The following LIG4 variants were observed in gnomAD, a reference collection of about 807,000 sequenced individuals.
LIG4 encodes the protein DNA ligase 4.
A neutral mutation model predicts 19.0 loss-of-function variants in LIG4; 13 were observed. That is an observed-to-expected ratio of 0.68 (90% confidence interval 0.44 to 1.09). The LOEUF (loss-of-function observed/expected upper bound fraction) is 1.09. LIG4 is among the 50% of genes least tolerant of loss of function. LIG4 has a pLI of 0.00. For missense variants in LIG4, 1,026 were observed against 1,089.7 expected (o/e 0.94, Z 0.82); for synonymous variants, 361 against 358.2 (o/e 1.01, Z -0.09).
chr13:108,209,868 A>G lies in LIG4; in HGVS notation c.1401T>C (p.Val467=), dbSNP rs1878421695. The change falls in exon 3 of 3, where the codon GTT becomes GTC. Residue 467 remains valine, a synonymous_variant. Transcript: ENST00000442234. ...GLMDELDILI[V]GGYWGKGSRG... ...GTGATCCTTTACCCCAATATCCTCC[A>G]ACAATTAAAATGTCCAATTCATCCA... 1 of 1,614,030 alleles carries G rather than the reference A, an allele frequency of 6.2e-7. No individual in the cohort carries two copies. Among genetic ancestry groups the G allele is most frequent in the Non-Finnish European group, 8.5e-7 (1 of 1,180,018 alleles).
At chr13:108,212,015 G>A (rs185795784) in intron 2 of LIG4, among the ~76,000 whole-genome samples, 222 of 151,980 alleles carry the variant, frequency 1.5e-3, no homozygotes, top group African/African-American at 5.2e-3. Flanking sequence ...TTTTACCATA[G>A]TTACTTACTG....
Position 108,209,455 on chromosome 13 carries a change from T to A in LIG4, c.1814A>T (p.Lys605Met). The A allele has an allele frequency of 6.2e-7, 1 of 1,614,190 alleles. No individual in the cohort carries two copies. Among genetic ancestry groups the A allele is most frequent in the South Asian group, 1.1e-5 (1 of 91,084 alleles). ...TLDDLEQLRG[K>M]ASGKLASKHL... ...TTTAGATGCGAGCTTACCAGATGCC[T>A]TCCCCCTAAGTTGTTCTAGGTCGTC... The change falls in exon 3 of 3, where the codon AAG (lysine) becomes ATG (methionine). Residue 605 changes from lysine to methionine, a missense_variant. Lys to Met is a moderately conservative substitution (Grantham distance 95). This residue lies in a region of LIG4 where 521 missense variants were observed against 515.5 expected (regional missense o/e 1.01). Transcript: ENST00000442234.
At chr13:108,215,641 G>A (rs935776739), upstream of LIG4, 2 of 151,148 alleles carry the variant, frequency 1.3e-5, no homozygotes, top group African/African-American at 4.9e-5. Flanking sequence ...ATGGGAGGTG[G>A]GGGGGCCGGC....
At position 108,211,306 on chromosome 13, in the gene LIG4, C is replaced by T; in HGVS notation, c.-28-10G>A. The T allele has an allele frequency of 7.1e-7, 1 of 1,411,982 alleles. No homozygotes were observed. Among genetic ancestry groups the T allele is most frequent in the Non-Finnish European group, 1.0e-6 (1 of 1,003,222 alleles). 87.5% of individuals were successfully genotyped at this position (1,411,982 alleles called of 1,614,324 possible). On this transcript the variant is annotated splice_polypyrimidine_tract_variant and intron_variant, in intron 2 of 2. Transcript: ENST00000442234. ...GAATCTTCTCGTTTAACTAGTAAAG[C>T]AAAAAGAGAATAACTTTAAGTAAAA... is the stretch of plus-strand genomic sequence containing the variant.
upstream of LIG4, among the ~76,000 whole-genome samples, chr13:108,215,711 A>G (rs527395820): frequency 1.6e-3 from 247 of 151,318 alleles, no homozygotes; most frequent in African/African-American, 5.9e-3. Context: ...TTGAGTACAC[A>G]CGGCTCCTAT....
chr13:108,208,622 T>TAAA lies in LIG4; in HGVS notation c.2644_2646dup (p.Phe882dup). On this transcript the variant is annotated inframe_insertion, in exon 3 of 3. Coordinates refer to ENST00000442234, the MANE Select transcript of LIG4 (RefSeq NM_206937.2). ...TCTTTTAGGATTTTAAACTTTCTCT[T>TAAA]AAAAGTTCTTCTAAAAGCTTTAAAA... The TAAA allele has an allele frequency of 6.2e-7, 1 of 1,613,140 alleles. No individual in the cohort carries two copies. The highest frequency in any genetic ancestry group is 1.7e-5 in the Admixed American group (1 of 59,972).
chr13:108,211,386 A>G (rs1878653882), intron 2 of LIG4, 90 bp from the exon 3 acceptor site: 1 of 785,142 alleles, frequency 1.3e-6, no homozygotes, highest in South Asian at 1.5e-5. Flanking sequence ...CACTGAGATC[A>G]TAATAAATGT....
upstream of LIG4, among the ~76,000 whole-genome samples, chr13:108,217,756 G>A (rs1057052251): frequency 4.6e-5 from 7 of 151,786 alleles, no homozygotes; most frequent in East Asian, 1.4e-3. Context: ...ATATAAAATA[G>A]GGGACATAGA....
chr13:108,211,299 AG>A lies in LIG4; in HGVS notation c.-28-4del. On this transcript the variant is annotated splice_polypyrimidine_tract_variant and splice_region_variant and intron_variant, in intron 2 of 2. Coordinates refer to ENST00000442234, the MANE Select transcript of LIG4 (RefSeq NM_206937.2). ...CGGTGATGAATCTTCTCGTTTAACT[AG>A]TAAAGCAAAAAGAGAATAACTTTAA... 1 of 1,479,182 alleles carries A rather than the reference AG, an allele frequency of 6.8e-7. No individual in the cohort carries two copies. The highest frequency in any genetic ancestry group is 2.3e-5 in the East Asian group (1 of 44,154). The allele number at this position is 1,479,182 out of a possible 1,614,324, so 91.6% of individuals were successfully genotyped here. A position where few individuals can be genotyped will look rare whatever the true frequency, so the allele number is the denominator to read the frequency against.
At position 108,212,149 on chromosome 13, in the gene LIG4, T is replaced by A. The variant is rs577400612; in HGVS notation, c.-28-853A>T. On this transcript the variant is annotated intron_variant, in intron 2 of 2. Transcript: ENST00000442234. ...CACTGTGCTAGGGGAAAATACTGCA[T>A]GTTTCTGCTTTAAAAGAAAATATAT... 4.7e-5 allele frequency among the ~76,000 whole-genome samples: 7 copies of A among 149,616 alleles called. No individual in the cohort carries two copies. In the South Asian group the frequency reaches 1.5e-3, roughly 31 times the overall value.
At position 108,210,212 on chromosome 13, in the gene LIG4, T is replaced by G. The variant is rs1456908789; in HGVS notation, c.1057A>C (p.Arg353=). The change falls in exon 3 of 3, where the codon AGA becomes CGA. Residue 353 remains arginine (R), a synonymous_variant. Transcript: ENST00000442234. ...TGCAGATCAGAATCCTCTACCATTC[T>G]TTTAATATCAAACTTAGTTCCCTTT... is the stretch of plus-strand genomic sequence containing the variant. ...MQKGTKFDIK[R]MVEDSDLQTC... is the part of the protein sequence containing the mutation. The G allele has an allele frequency of 6.2e-7, 1 of 1,613,598 alleles. No homozygotes were observed.
chr13:108,214,425 T>C (rs1472349160), intron 2 of LIG4, 113 bp downstream of exon 2: 1 of 152,090 alleles, frequency 6.6e-6, no homozygotes. Flanking sequence ...TCTCTCCCGC[T>C]CCAATGCCCC....
In LIG4 at chr13:108,209,842, C is replaced by T. The variant is rs1407716899; in HGVS notation, c.1427G>A (p.Arg476Gln). 5.6e-6 allele frequency: 9 copies of T among 1,614,032 alleles called. No individual in the cohort carries two copies. Among genetic ancestry groups the T allele is most frequent in the South Asian group, 2.2e-5 (2 of 91,082 alleles). Residue 476 changes from arginine (R) to glutamine (Q), a missense_variant, in exon 3 of 3, where the codon CGG becomes CAG. Coordinates refer to ENST00000442234, the MANE Select transcript of LIG4 (RefSeq NM_206937.2). ...IVGGYWGKGS[R>Q]GGMMSHFLCA... ...CAGAAAATGAGACATCATTCCACCC[C>T]GTGATCCTTTACCCCAATATCCTCC... is the stretch of plus-strand genomic sequence containing the variant.
Position 108,210,058 on chromosome 13 carries a change from T to C in LIG4, c.1211A>G (p.Gln404Arg), listed in dbSNP as rs1188668994. The part of the protein sequence containing the change: ...TPIPGRIEIV[Q>R]KTQAHTKNEV... ...ATTCTTAGTATGAGCTTGTGTTTTC[T>C]GCACTATTTCTATTCTACCTGGAAT... The change falls in exon 3 of 3, where the codon CAG becomes CGG. Residue 404 changes from glutamine to arginine, a missense_variant. Gln to Arg is a conservative substitution (Grantham distance 43, BLOSUM62 1). Coordinates refer to ENST00000442234, the MANE Select transcript of LIG4 (RefSeq NM_206937.2). The C allele has an allele frequency of 6.2e-7, 1 of 1,612,904 alleles. No homozygotes were observed. Among genetic ancestry groups the C allele is most frequent in the South Asian group, 1.1e-5 (1 of 91,086 alleles).
In LIG4 at chr13:108,210,838, G is replaced by A; in HGVS notation, c.431C>T (p.Thr144Ile). Residue 144 changes from threonine (T) to isoleucine (I), a missense_variant, in exon 3 of 3, where the codon ACC (threonine) becomes ATC (isoleucine). By Grantham distance (89) the Thr-to-Ile change is moderately conservative (BLOSUM62 -1). Coordinates refer to ENST00000442234, the MANE Select transcript of LIG4 (RefSeq NM_206937.2). ...KPRCLQKGSL[T>I]IQQVNDLLDS... ...TAAAAGGTCGTTTACTTGCTGTATG[G>A]TTAAACTTCCTTTCTGTAAACATCT... The A allele has an allele frequency of 6.2e-7, 1 of 1,613,892 alleles. No homozygotes were observed. Among genetic ancestry groups the A allele is most frequent in the South Asian group, 1.1e-5 (1 of 91,054 alleles).
chr13:108,210,655 G>GCATCATTATGAAAA lies in LIG4; in HGVS notation c.613_614insTTTTCATAATGATG (p.Ser205PhefsTer34). On this transcript the variant is annotated frameshift_variant, in exon 3 of 3. Transcript: ENST00000442234. LOFTEE classifies it high-confidence loss of function. Reference sequence around the variant, plus strand: ...CTCAGCAGCATCATTATGAAAAACAGAAAAGATAGTTTGCTGACTAACACC... The same window carrying GCATCATTATGAAAA: ...CTCAGCAGCATCATTATGAAAAACAGCATCATTATGAAAAAAAAGATAGTTTGCTGACTAACACC... 6.2e-7 allele frequency: 1 copy of GCATCATTATGAAAA among 1,613,754 alleles called. No homozygotes were observed. The highest frequency in any genetic ancestry group is 1.3e-5 in the African/African-American group (1 of 75,046).
Position 108,209,102 on chromosome 13 carries a change from G to C in LIG4, c.2167C>G (p.Pro723Ala). ...TTAAAACATTCTAAAAGCCATGCAGGCTTGACAACATCATGTTTATTTGAC... is the reference window on the plus strand; with the variant it reads ...TTAAAACATTCTAAAAGCCATGCAGCCTTGACAACATCATGTTTATTTGAC... The part of the protein sequence containing the change: ...ILSNKHDVVK[P>A]AWLLECFKTK... Residue 723 changes from proline to alanine, a missense_variant, in exon 3 of 3, where the codon CCT becomes GCT. Around this residue, in one of 3 missense-constraint regions of LIG4, gnomAD observed 521 missense variants for 515.5 expected, o/e 1.01. Transcript: ENST00000442234. The C allele has an allele frequency of 6.2e-7, 1 of 1,614,114 alleles. No individual in the cohort carries two copies. Among genetic ancestry groups the C allele is most frequent in the Non-Finnish European group, 8.5e-7 (1 of 1,180,012 alleles).
At position 108,211,419 on chromosome 13, in the gene LIG4, A is replaced by T. The variant is rs530719461; in HGVS notation, c.-28-123T>A. On this transcript the variant is annotated intron_variant, in intron 2 of 2. Transcript: ENST00000442234. ...TGTTTATTAATGTTTACTAAAAAAA[A>T]GATCAATGCTCTAAATGATGTATCT... The T allele has an allele frequency of 3.6e-5, 25 of 685,556 alleles. No homozygotes were observed. In the East Asian group the frequency reaches 6.8e-4, roughly 19 times the overall value. 42.5% of individuals were successfully genotyped at this position (685,556 alleles called of 1,614,324 possible).
rs771448034 is a variant in LIG4, at chr13:108,210,740, G to C, written c.529C>G (p.Gln177Glu). 3.1e-6 allele frequency: 5 copies of C among 1,614,040 alleles called. No homozygotes were observed. The Admixed American group carries it at 8.3e-5, about 27-fold the overall frequency. The change falls in exon 3 of 3, where the codon CAG becomes GAG. Residue 177 changes from glutamine to glutamate, a missense_variant. By Grantham distance (29) the Gln-to-Glu change is conservative. Transcript: ENST00000442234. ...IKKSLLQLIT[Q>E]SSALEQKWLI... ...CACTTTTGCTCAAGTGCTGAACTCT[G>C]AGTTATAAGTTGAAGAAGGCTCTTT...
Sources: gnomAD v4.1 joint callset for allele counts (sites outside exome capture counted in the v4.1 genomes callset) on GRCh38, gnomAD v4.1.1 for gene constraint, gnomAD v4.1.1 regional missense constraint, MANE v1.5 for transcripts, NCBI Gene and HGNC (gene_info 2026-07-23, HGNC 2026-07-21) for gene names.